The following ZNF362 variants were observed in gnomAD, a reference collection of about 807,000 sequenced individuals.
The protein encoded by ZNF362 is rotund homolog.
Under a neutral mutation model 42.9 loss-of-function variants are expected in ZNF362, and 11 were observed. The observed-to-expected ratio is 0.26, with a 90% confidence interval of 0.16 to 0.42. The LOEUF (loss-of-function observed/expected upper bound fraction) is 0.42, where lower values mean the gene tolerates loss of function less well. Among genes scored for constraint, ZNF362 ranks in the 20% least tolerant of loss-of-function variants. The probability of loss-of-function intolerance (pLI) is 1.00; values close to 1 mark genes in which losing one functional copy is unlikely to be tolerated. For missense variants in ZNF362, 362 were observed against 576.2 expected, an observed-to-expected ratio of 0.63 and a Z score of 3.81; for synonymous variants, 255 against 257.3, an observed-to-expected ratio of 0.99 and a Z score of 0.09.
the ZNF362 span, among the ~76,000 whole-genome samples, chr1:33,189,915 A>G: frequency 6.6e-6 from 1 of 151,726 alleles, no homozygotes; most frequent in Non-Finnish European, 1.5e-5. Flanking sequence ...GACTCACTGT[A>G]AAATGGGCTT....
intron 1 of ZNF362, among the ~76,000 whole-genome samples, chr1:33,262,401 T>C (rs1645834734): frequency 5.2e-4 from 1 of 1,932 alleles, no homozygotes; most frequent in Non-Finnish European, 4.7e-3. Context: ...GCCTCCTGGG[T>C]TCACACCATT....
the ZNF362 span, among the ~76,000 whole-genome samples, chr1:33,250,898 G>A: frequency 6.6e-6 from 1 of 151,834 alleles, no homozygotes; most frequent in Non-Finnish European, 1.5e-5. Flanking sequence ...AGAAGAAGGA[G>A]AAGAAGAAGG....
the ZNF362 span, among the ~76,000 whole-genome samples, chr1:33,218,316 C>G: frequency 6.6e-6 from 1 of 152,084 alleles, no homozygotes; most frequent in East Asian, 1.9e-4. Context: ...TGGTGTATGC[C>G]TATGGTCCAC....
the ZNF362 span, chr1:33,164,972 T>G: frequency 9.0e-6 from 1 of 111,390 alleles, no homozygotes; most frequent in Non-Finnish European, 2.0e-5. Flanking sequence ...TTTTTTTTTT[T>G]GTAGAGAAGG....
chr1:33,213,703 G>A, the ZNF362 span, among the ~76,000 whole-genome samples: 123 of 152,122 alleles, frequency 8.1e-4, 1 homozygote, highest in Admixed American at 8.0e-3. Flanking sequence ...AAATTAACTG[G>A]GCGTGGTGGC....
At chr1:33,181,770 C>T in the ZNF362 span, 1 of 188,986 alleles carries the variant, frequency 5.3e-6, no homozygotes, top group South Asian at 6.9e-5. The surrounding 1 kb of genome is among the most constrained non-coding windows in gnomAD (Gnocchi z 6.5). Flanking sequence ...GGGATAGGAG[C>T]TGGGAGAAGG....
chr1:33,276,345 C>T lies in ZNF362; in HGVS notation c.103-3C>T. 1 of 1,550,272 alleles carries T rather than the reference C, an allele frequency of 6.5e-7. No homozygotes were observed. The highest frequency in any genetic ancestry group is 1.2e-5 in the South Asian group (1 of 84,626). ...TCCTCAGCCCGTCCTCTTCTTCCCG[C>T]AGCTGGACAACCTGGTTCTGATTAA... On this transcript the variant is annotated splice_polypyrimidine_tract_variant and splice_region_variant and intron_variant, in intron 3 of 8. Coordinates refer to ENST00000539719, the MANE Select transcript of ZNF362 (RefSeq NM_152493.3).
intron 6 of ZNF362, among the ~76,000 whole-genome samples, chr1:33,289,130 GATC>G (rs374856488): frequency 6.6e-6 from 1 of 152,228 alleles, no homozygotes; most frequent in Middle Eastern, 3.4e-3. Flanking sequence ...GGTTGCGGGG[GATC>G]ATCTGGGTTG....
the ZNF362 span, among the ~76,000 whole-genome samples, chr1:33,232,781 G>T: frequency 6.6e-6 from 1 of 152,154 alleles, no homozygotes; most frequent in Non-Finnish European, 1.5e-5. Flanking sequence ...TTTAGTTGGG[G>T]TTTCTGTTCC....
At chr1:33,178,249 C>G in the ZNF362 span, among the ~76,000 whole-genome samples, 1 of 152,200 alleles carries the variant, frequency 6.6e-6, no homozygotes, top group East Asian at 1.9e-4. Context: ...GGCCCCAGCT[C>G]CATCAGCTGC....
At chr1:33,171,911 A>G in the ZNF362 span, among the ~76,000 whole-genome samples, 15 of 152,088 alleles carry the variant, frequency 9.9e-5, no homozygotes, top group Non-Finnish European at 4.4e-5. Flanking sequence ...CCTCCTGAGT[A>G]GCTGGGATTA....
chr1:33,138,172 G>A, the ZNF362 span, among the ~76,000 whole-genome samples: 2 of 152,136 alleles, frequency 1.3e-5, no homozygotes, highest in African/African-American at 4.8e-5. Flanking sequence ...GAGCGTTCTG[G>A]GCATCTGCTG....
chr1:33,193,286 G>C, the ZNF362 span, among the ~76,000 whole-genome samples: 7,546 of 152,260 alleles, frequency 0.05, 204 homozygotes, highest in Non-Finnish European at 0.068. Context: ...CATTAACTGT[G>C]TGATGGTGGC....
At chr1:33,209,501 C>T in the ZNF362 span, among the ~76,000 whole-genome samples, 5 of 152,162 alleles carry the variant, frequency 3.3e-5, no homozygotes, top group African/African-American at 1.2e-4. Context: ...AGGAATGATA[C>T]CAGCTCTTCT....
chr1:33,210,155 T>A, the ZNF362 span, among the ~76,000 whole-genome samples: 9 of 152,318 alleles, frequency 5.9e-5, no homozygotes, highest in South Asian at 1.7e-3. Flanking sequence ...TCAAAGAACA[T>A]CTTTATTTCT....
chr1:33,189,676 T>C, the ZNF362 span, among the ~76,000 whole-genome samples: 7,911 of 22,468 alleles, frequency 0.35, 977 homozygotes, highest in East Asian at 0.44. Flanking sequence ...TATATATGTA[T>C]ATATATACGT....
the ZNF362 span, among the ~76,000 whole-genome samples, chr1:33,243,302 G>A: frequency 6.6e-6 from 1 of 151,682 alleles, no homozygotes; most frequent in Non-Finnish European, 1.5e-5. Context: ...GACCACAGGT[G>A]TGCCTGGGAC....
chr1:33,136,327 TTTCCTTCCTTCC>T, the ZNF362 span, among the ~76,000 whole-genome samples: 1,778 of 149,518 alleles, frequency 0.012, 27 homozygotes, highest in Non-Finnish European at 0.017. Flanking sequence ...TTTTTCTTTC[TTTCCTTCCTTCC>T]TTCCTTCTTT....
Position 33,295,138 on chromosome 1 carries a change from C to T in ZNF362, c.988-9C>T. 6.2e-7 allele frequency: 1 copy of T among 1,613,302 alleles called. No homozygotes were observed. The highest frequency in any genetic ancestry group is 8.5e-7 in the Non-Finnish European group (1 of 1,179,574). On this transcript the variant is annotated splice_polypyrimidine_tract_variant and intron_variant, in intron 7 of 8. Transcript: ENST00000539719. Reference sequence around the variant, plus strand: ...GTTCCTCTCCTGACCCCCTGCTGTGCCCCTACAGTCTCACCAGCGCCAGCA... The same window carrying T: ...GTTCCTCTCCTGACCCCCTGCTGTGTCCCTACAGTCTCACCAGCGCCAGCA...
Sources: gnomAD v4.1 joint callset for allele counts (sites outside exome capture counted in the v4.1 genomes callset) on GRCh38, gnomAD v4.1.1 for gene constraint, Gnocchi (gnomAD v3.1) non-coding constraint, MANE v1.5 for transcripts, NCBI Gene and HGNC (gene_info 2026-07-23, HGNC 2026-07-21) for gene names.